The following APBB2 variants were observed in gnomAD, a reference collection of about 807,000 sequenced individuals.
The protein encoded by APBB2 is Fe65-like 1.
APBB2 carries 38 observed loss-of-function variants against 82.5 expected under a neutral mutation model. The observed-to-expected ratio is 0.46, with a 90% CI of 0.36 to 0.60. The LOEUF (loss-of-function observed/expected upper bound fraction) is 0.60, where lower values mean the gene tolerates loss of function less well. Among genes scored for constraint, APBB2 ranks in the 20% least tolerant of loss-of-function variants. APBB2 has a pLI of 0.00. For synonymous variants in APBB2, 341 were observed against 368.2 expected (o/e 0.93, Z 0.85); for missense variants, 772 against 972.3 (o/e 0.79, Z 2.74).
At chr4:40,988,454 G>A (rs1055324588) in intron 6 of APBB2, among the ~76,000 whole-genome samples, 13 of 151,844 alleles carry the variant, frequency 8.6e-5, no homozygotes, top group South Asian at 4.2e-4. Flanking sequence ...TGGCCAAAAT[G>A]GTGAAACCTT....
At chr4:41,123,243 G>A (rs1028165331) in intron 2 of APBB2, among the ~76,000 whole-genome samples, 1 of 151,972 alleles carries the variant, frequency 6.6e-6, no homozygotes, top group African/African-American at 2.4e-5. Context: ...GTCACTGGCT[G>A]AACAGTGGCA....
intron 1 of APBB2, among the ~76,000 whole-genome samples, chr4:41,156,637 G>A (rs1021961543): frequency 6.6e-6 from 1 of 152,200 alleles, no homozygotes; most frequent in Non-Finnish European, 1.5e-5. Context: ...TTTCACAGAA[G>A]ATGGAGCAAA....
intron 12 of APBB2, among the ~76,000 whole-genome samples, chr4:40,858,241 A>C (rs1761904567): frequency 6.6e-6 from 1 of 152,118 alleles, no homozygotes; most frequent in Non-Finnish European, 1.5e-5. Flanking sequence ...AGGAAAATCC[A>C]AGGTCTCTCA....
chr4:41,014,209 T>C lies in APBB2; in HGVS notation c.209A>G (p.Tyr70Cys). 6.2e-7 allele frequency: 1 copy of C among 1,614,254 alleles called. No individual in the cohort carries two copies. Among genetic ancestry groups the C allele is most frequent in the South Asian group, 1.1e-5 (1 of 91,078 alleles). Reference sequence around the variant, plus strand: ...GGCCGCCTGGATGTTAGTTAGTGCATATTTTTTCCTGCATTTGGGAGGTGT... The same window carrying C: ...GGCCGCCTGGATGTTAGTTAGTGCACATTTTTTCCTGCATTTGGGAGGTGT... ...NSTPPKCRKK[Y>C]ALTNIQAAMG... is the part of the protein sequence containing the mutation. The change falls in exon 6 of 18, where the codon TAT becomes TGT. Residue 70 changes from tyrosine to cysteine, a missense_variant. Coordinates refer to ENST00000508593, the MANE Select transcript of APBB2 (RefSeq NM_004307.2).
chr4:41,009,312 C>G (rs1807662412), intron 6 of APBB2, among the ~76,000 whole-genome samples: 2 of 150,932 alleles, frequency 1.3e-5, no homozygotes, highest in South Asian at 4.1e-4. Flanking sequence ...CCAAGGCACT[C>G]TTTAACTTTT....
chr4:40,991,087 C>T (rs952260089), intron 6 of APBB2, among the ~76,000 whole-genome samples: 2 of 142,660 alleles, frequency 1.4e-5, no homozygotes, highest in Non-Finnish European at 3.0e-5. Flanking sequence ...TGGCTCACTG[C>T]AACTTTCGTC....
intron 3 of APBB2, among the ~76,000 whole-genome samples, chr4:41,083,645 G>A (rs1334458308): frequency 8.5e-5 from 10 of 117,830 alleles, no homozygotes; most frequent in Non-Finnish European, 1.6e-4. Flanking sequence ...CTGAGATCAC[G>A]CCACTGCACT....
chr4:40,890,411 C>A lies in APBB2; in HGVS notation c.1482G>T (p.Gln494His). ...DPMDRSVLHS[Q>H]PIVSIRVWGV... ...CCCACACGCGGATGCTGACGATGGGCTGCGAGTGCAGCACGCTGCGGTCCA... is the reference window on the plus strand; with the variant it reads ...CCCACACGCGGATGCTGACGATGGGATGCGAGTGCAGCACGCTGCGGTCCA... The change falls in exon 12 of 18, where the codon CAG becomes CAT. Residue 494 changes from glutamine to histidine, a missense_variant. Gln to His is a conservative substitution (Grantham distance 24, BLOSUM62 0). Coordinates refer to ENST00000508593, the MANE Select transcript of APBB2 (RefSeq NM_004307.2). 6.2e-7 allele frequency: 1 copy of A among 1,613,974 alleles called. No homozygotes were observed. Among genetic ancestry groups the A allele is most frequent in the Non-Finnish European group, 8.5e-7 (1 of 1,180,034 alleles).
intron 1 of APBB2, among the ~76,000 whole-genome samples, chr4:41,210,935 C>A (rs745461513): frequency 2.6e-5 from 4 of 152,080 alleles, no homozygotes; most frequent in Non-Finnish European, 5.9e-5. Context: ...TATACAAAAC[C>A]TTAATAGGAT....
intron 3 of APBB2, among the ~76,000 whole-genome samples, chr4:41,071,802 C>T (rs532084651): frequency 1.4e-4 from 21 of 152,218 alleles, no homozygotes; most frequent in Admixed American, 4.6e-4. Flanking sequence ...TAATTTCAAC[C>T]ATAGTGGATT....
chr4:40,993,361 CTTTTTTTTTTTT>C (rs34787320), intron 6 of APBB2, among the ~76,000 whole-genome samples: 4 of 114,616 alleles, frequency 3.5e-5, no homozygotes, highest in East Asian at 2.3e-4. Context: ...ACTCTTCTCT[CTTTTTTTTTTTT>C]TTTTTTTTTT....
intron 16 of APBB2, chr4:40,822,459 C>A (rs1748339840): frequency 6.2e-6 from 1 of 161,734 alleles, no homozygotes; most frequent in African/African-American, 2.4e-5. Flanking sequence ...CTTTCTTCGT[C>A]CAGTGATTCT....
chr4:40,826,372 CG>C lies in APBB2; in HGVS notation c.1733-403del, dbSNP rs1749929310. On this transcript the variant is annotated intron_variant, in intron 14 of 17. Transcript: ENST00000508593. The surrounding 1 kb of genome is among the most constrained non-coding windows in gnomAD (Gnocchi z 4.5). ...CTGAGTTCCCCCAGTAATCAACCCACGTTTTTTTTTTTTTAGAGACAAGAGT... is the reference window on the plus strand; with the variant it reads ...CTGAGTTCCCCCAGTAATCAACCCACTTTTTTTTTTTTTAGAGACAAGAGT... Among the ~76,000 whole-genome samples the C allele has an allele frequency of 7.3e-6, 1 of 136,608 alleles. No individual in the cohort carries two copies. Among genetic ancestry groups the C allele is most frequent in the East Asian group, 2.0e-4 (1 of 5,042 alleles). 89.6% of individuals were successfully genotyped at this position (136,608 alleles called of 152,430 possible). A position where few individuals can be genotyped will look rare whatever the true frequency, so the allele number is the denominator to read the frequency against.
At chr4:40,821,745 T>TA in intron 17 of APBB2, 126 bp downstream of exon 17, 1 of 1,104,290 alleles carries the variant, frequency 9.1e-7, no homozygotes. Flanking sequence ...GACGGCGTTA[T>TA]AAAGTAAAGC....
chr4:40,929,363 G>A (rs150892476), intron 10 of APBB2, among the ~76,000 whole-genome samples: 25 of 152,136 alleles, frequency 1.6e-4, no homozygotes, highest in African/African-American at 5.8e-4. Flanking sequence ...AGGCTGATGC[G>A]ATCTCAGCCC....
At chr4:41,126,645 A>G (rs913602815) in intron 2 of APBB2, among the ~76,000 whole-genome samples, 4 of 152,174 alleles carry the variant, frequency 2.6e-5, no homozygotes, top group African/African-American at 7.2e-5. Context: ...AACAATAGAA[A>G]GTTATTTTCT....
chr4:41,130,759 C>T (rs538606257), intron 2 of APBB2, among the ~76,000 whole-genome samples: 7 of 152,130 alleles, frequency 4.6e-5, no homozygotes, highest in Non-Finnish European at 1.0e-4. Flanking sequence ...AGACCACGCC[C>T]TCCCCACTTC....
At chr4:41,134,947 C>A (rs2154011158) in intron 2 of APBB2, among the ~76,000 whole-genome samples, 1 of 152,274 alleles carries the variant, frequency 6.6e-6, no homozygotes, top group South Asian at 2.1e-4. Flanking sequence ...CATTCCTTAT[C>A]ACTCATATGT....
intron 12 of APBB2, among the ~76,000 whole-genome samples, chr4:40,882,673 G>A (rs561896433): frequency 6.6e-6 from 1 of 152,316 alleles, no homozygotes; most frequent in East Asian, 1.9e-4. Context: ...GACGAGAGAA[G>A]CAGGAGCGTA....
Sources: gnomAD v4.1 joint callset for allele counts (sites outside exome capture counted in the v4.1 genomes callset) on GRCh38, gnomAD v4.1.1 for gene constraint, Gnocchi (gnomAD v3.1) non-coding constraint, MANE v1.5 for transcripts, NCBI Gene and HGNC (gene_info 2026-07-23, HGNC 2026-07-21) for gene names.